ERBB4: variants seen among roughly 807,000 people sequenced by gnomAD.
The protein encoded by ERBB4 is receptor tyrosine-protein kinase erbB-4.
In ERBB4, 42 loss-of-function variants were observed where a neutral mutation model predicts 158.0. The ratio of observed to expected loss-of-function variants is 0.27; its 90% CI spans 0.21 to 0.34. The LOEUF (loss-of-function observed/expected upper bound fraction) is 0.34, where lower values mean the gene tolerates loss of function less well. ERBB4 is among the 10% of genes least tolerant of loss of function. ERBB4 has a pLI of 1.00. For synonymous variants in ERBB4, 583 were observed against 558.7 expected (o/e 1.04, Z -0.61); for missense variants, 1,333 against 1,624.1 (o/e 0.82, Z 3.08).
At chr2:211,884,510 C>G (rs573003507) in intron 3 of ERBB4, among the ~76,000 whole-genome samples, 22 of 152,210 alleles carry the variant, frequency 1.4e-4, no homozygotes, top group African/African-American at 5.3e-4. Context: ...TTCCTGAACC[C>G]TAAATCCACA....
At chr2:212,250,794 GA>G (rs200400420) in intron 1 of ERBB4, among the ~76,000 whole-genome samples, 8,967 of 151,186 alleles carry the variant, frequency 0.059, 363 homozygotes, top group African/African-American at 0.12. Flanking sequence ...AGATTATGGT[GA>G]AAAAAAACCA....
At chr2:211,643,786 T>C (rs531440035) in intron 16 of ERBB4, among the ~76,000 whole-genome samples, 2 of 152,144 alleles carry the variant, frequency 1.3e-5, no homozygotes, top group African/African-American at 4.8e-5. Flanking sequence ...CTCACACATT[T>C]GTAAGTAACA....
intron 1 of ERBB4, among the ~76,000 whole-genome samples, chr2:212,462,669 A>G: frequency 6.6e-6 from 1 of 152,174 alleles, no homozygotes; most frequent in East Asian, 1.9e-4. Flanking sequence ...ATAAATTAGT[A>G]CAGGCATTAT....
At chr2:211,875,050 A>AAAAAAAAAAAAATAAAAC (rs66500425) in intron 3 of ERBB4, among the ~76,000 whole-genome samples, 1 of 75,872 alleles carries the variant, frequency 1.3e-5, no homozygotes, top group Non-Finnish European at 2.6e-5. Context: ...AAAAAAAAAA[A>AAAAAAAAAAAAATAAAAC]CAAACTCAAA....
In ERBB4 at chr2:211,386,980, A is replaced by G. The variant is rs1256239296; in HGVS notation, c.3354T>C (p.His1118=). 9 of 1,614,128 alleles carry G rather than the reference A, an allele frequency of 5.6e-6. No individual in the cohort carries two copies. Among genetic ancestry groups the G allele is most frequent in the South Asian group, 1.1e-5 (1 of 91,072 alleles). The change falls in exon 27 of 28, where the codon CAT becomes CAC. Residue 1118 remains histidine, a synonymous_variant. Transcript: ENST00000342788. ...TCTGGGTGCTACTGTCCTCTTGGAC[A>G]TGGGGTGCCACTGGCTTGCGTAGGG... ...NGTLRKPVAP[H]VQEDSSTQRY...
At chr2:211,597,955 T>C (rs955202824) in intron 19 of ERBB4, among the ~76,000 whole-genome samples, 3 of 152,140 alleles carry the variant, frequency 2.0e-5, no homozygotes, top group South Asian at 2.1e-4. Context: ...CAAAATGCTA[T>C]AAAAACAGGC....
chr2:211,980,991 C>CA (rs2081777528), intron 2 of ERBB4, among the ~76,000 whole-genome samples: 1 of 150,894 alleles, frequency 6.6e-6, no homozygotes. Flanking sequence ...CGCTCCCCAC[C>CA]ATCTGTATTA....
At chr2:211,915,335 A>G (rs745907398) in intron 3 of ERBB4, among the ~76,000 whole-genome samples, 2 of 151,974 alleles carry the variant, frequency 1.3e-5, no homozygotes, top group Non-Finnish European at 2.9e-5. Context: ...CCCTTCAATA[A>G]CAATCTTAAT....
intron 1 of ERBB4, among the ~76,000 whole-genome samples, chr2:212,331,917 C>T (rs959379475): frequency 5.3e-5 from 8 of 152,022 alleles, no homozygotes; most frequent in Non-Finnish European, 1.0e-4. Context: ...ATTCTATATT[C>T]TGCTGGAGAA....
intron 19 of ERBB4, among the ~76,000 whole-genome samples, chr2:211,613,461 T>C (rs2069274102): frequency 6.7e-6 from 1 of 149,510 alleles, no homozygotes; most frequent in Non-Finnish European, 1.5e-5. Flanking sequence ...GCTGATTGCT[T>C]ACTAGTTCTA....
intron 1 of ERBB4, among the ~76,000 whole-genome samples, chr2:212,322,653 A>AC: frequency 6.7e-6 from 1 of 150,028 alleles, no homozygotes. Flanking sequence ...CCCTGGCCAC[A>AC]TGCTCATGCA....
chr2:211,849,122 T>G (rs554526161), intron 3 of ERBB4, among the ~76,000 whole-genome samples: 31 of 152,160 alleles, frequency 2.0e-4, no homozygotes, highest in African/African-American at 7.0e-4. Context: ...CAGTGTTTTT[T>G]TCCTATGCAG....
intron 2 of ERBB4, 100 bp from the exon 3 acceptor site, chr2:211,947,716 GT>G: frequency 2.0e-6 from 2 of 990,422 alleles, no homozygotes; most frequent in Non-Finnish European, 3.1e-6. Context: ...CTAATTTTCA[GT>G]TTTTAGTTTA....
chr2:211,977,232 A>G (rs2081635296), intron 2 of ERBB4, among the ~76,000 whole-genome samples: 1 of 152,056 alleles, frequency 6.6e-6, no homozygotes, highest in Non-Finnish European at 1.5e-5. Context: ...CATGATTTGC[A>G]CCCTCAACAC....
At chr2:212,207,296 G>A (rs1006227350) in intron 1 of ERBB4, among the ~76,000 whole-genome samples, 9 of 152,110 alleles carry the variant, frequency 5.9e-5, no homozygotes, top group Admixed American at 2.0e-4. Context: ...AGAAAGTGGA[G>A]TCAATATAAG....
intron 1 of ERBB4, among the ~76,000 whole-genome samples, chr2:212,326,918 G>A (rs900343927): frequency 3.3e-5 from 5 of 150,972 alleles, no homozygotes; most frequent in African/African-American, 1.2e-4. Context: ...AAACAGGAAC[G>A]AAGGAATTCT....
At chr2:212,349,319 A>ACC (rs1189506283) in intron 1 of ERBB4, among the ~76,000 whole-genome samples, 5 of 150,970 alleles carry the variant, frequency 3.3e-5, no homozygotes, top group African/African-American at 1.2e-4. Context: ...ACACACACAC[A>ACC]CACCCTTCAA....
intron 3 of ERBB4, among the ~76,000 whole-genome samples, chr2:211,810,688 C>G (rs1333064265): frequency 1.0e-5 from 1 of 99,376 alleles, no homozygotes; most frequent in Admixed American, 1.5e-4. Context: ...TTTTTTGAGA[C>G]GGAGTCTCGC....
At chr2:211,886,607 G>A (rs1032964816) in intron 3 of ERBB4, among the ~76,000 whole-genome samples, 6 of 152,094 alleles carry the variant, frequency 3.9e-5, no homozygotes, top group Admixed American at 6.5e-5. Flanking sequence ...AAACAGGAAC[G>A]AAAATAGAAG....
Sources: gnomAD v4.1 joint callset for allele counts (sites outside exome capture counted in the v4.1 genomes callset) on GRCh38, gnomAD v4.1.1 for gene constraint, MANE v1.5 for transcripts, NCBI Gene and HGNC (gene_info 2026-07-23, HGNC 2026-07-21) for gene names.